The following PIK3CB variants were observed in gnomAD, a reference collection of about 807,000 sequenced individuals.
PIK3CB encodes phosphatidylinositol 4,5-bisphosphate 3-kinase catalytic subunit beta isoform.
In PIK3CB, 39 loss-of-function variants were observed where a neutral mutation model predicts 136.8. The observed-to-expected ratio is 0.29, with a 90% CI of 0.22 to 0.37. The LOEUF is 0.37. Ranked by LOEUF, PIK3CB falls within the 10% of genes least tolerant of loss-of-function variation. The pLI is 1.00. For synonymous variants in PIK3CB, 428 were observed against 436.6 expected, an observed-to-expected ratio of 0.98 and a Z score of 0.25; for missense variants, 868 against 1,275.4, an observed-to-expected ratio of 0.68 and a Z score of 4.87.
At chr3:138,774,859 A>G (rs1200400137) in intron 2 of PIK3CB, among the ~76,000 whole-genome samples, 5 of 152,240 alleles carry the variant, frequency 3.3e-5, no homozygotes, top group African/African-American at 1.2e-4. Context: ...CATTTTGAAA[A>G]TAAGTCATAA....
chr3:138,704,498 T>A lies in PIK3CB; in HGVS notation c.1531-5A>T. Reference sequence around the variant, plus strand: ...CTCAGCTGCCTTTTCAATAATCTGTTTAAAAAAATTAAAGAAAATGAATTT... The same window carrying A: ...CTCAGCTGCCTTTTCAATAATCTGTATAAAAAAATTAAAGAAAATGAATTT... On this transcript the variant is annotated splice_region_variant and splice_polypyrimidine_tract_variant and intron_variant, in intron 11 of 23. Coordinates refer to ENST00000674063, the MANE Select transcript of PIK3CB (RefSeq NM_006219.3). 2 of 1,589,726 alleles carry A rather than the reference T, an allele frequency of 1.3e-6. No homozygotes were observed. The highest frequency in any genetic ancestry group is 1.7e-6 in the Non-Finnish European group (2 of 1,158,252).
intron 1 of PIK3CB, among the ~76,000 whole-genome samples, chr3:138,797,407 C>G (rs2046120850): frequency 6.6e-6 from 1 of 152,128 alleles, no homozygotes; most frequent in African/African-American, 2.4e-5. Flanking sequence ...ATGAGGGGTC[C>G]TGCGTGACTG....
chr3:138,677,881 G>C (rs2043682351), intron 19 of PIK3CB, among the ~76,000 whole-genome samples: 1 of 152,054 alleles, frequency 6.6e-6, no homozygotes, highest in Non-Finnish European at 1.5e-5. Context: ...GGCAACAAGA[G>C]GGAAACTCCC....
rs148932982 is a variant in PIK3CB at position 138,673,973 on chromosome 3, A to T, written c.2504+7994T>A. The stretch of plus-strand genomic sequence containing the variant: ...GTTTATTTGACCTGACTCAGACCTC[A>T]CCTAGCATGAACTGCCTTTTTCCTG... On this transcript the variant is annotated intron_variant, in intron 19 of 23. Coordinates refer to ENST00000674063, the MANE Select transcript of PIK3CB (RefSeq NM_006219.3). Among the ~76,000 whole-genome samples, 94 of 152,154 alleles carry T rather than the reference A, an allele frequency of 6.2e-4. 1 individual carries two copies. In the East Asian group the frequency reaches 0.017, roughly 27 times the overall value.
chr3:138,778,179 C>A, intron 2 of PIK3CB: 2 of 455,322 alleles, frequency 4.4e-6, no homozygotes, highest in South Asian at 1.5e-5. Context: ...CCGAAAGGGT[C>A]ATCATCTCTG....
intron 2 of PIK3CB, among the ~76,000 whole-genome samples, chr3:138,772,143 G>A (rs529486529): frequency 6.6e-6 from 1 of 152,128 alleles, no homozygotes; most frequent in South Asian, 2.1e-4. Context: ...ATGTGGCAAT[G>A]TTTAGAAATA....
At chr3:138,755,440 G>T (rs1420164496) in intron 4 of PIK3CB, among the ~76,000 whole-genome samples, 1 of 152,152 alleles carries the variant, frequency 6.6e-6, no homozygotes, top group Non-Finnish European at 1.5e-5. Context: ...CCAGGAGTTT[G>T]AGACCAGCCT....
intron 14 of PIK3CB, among the ~76,000 whole-genome samples, chr3:138,693,082 T>C (rs1036457832): frequency 1.1e-4 from 16 of 152,288 alleles, no homozygotes; most frequent in Middle Eastern, 3.4e-3. Flanking sequence ...GTTGAATTTT[T>C]ATTTATTTAT....
chr3:138,702,228 C>G (rs538468395), intron 12 of PIK3CB, among the ~76,000 whole-genome samples: 2 of 149,840 alleles, frequency 1.3e-5, no homozygotes, highest in Non-Finnish European at 3.0e-5. Context: ...CATGCCACCA[C>G]GCCCAGTTAA....
intron 1 of PIK3CB, among the ~76,000 whole-genome samples, chr3:138,816,595 AAAATAAATAAAT>A (rs4035076): frequency 5.5e-4 from 80 of 146,490 alleles, no homozygotes; most frequent in African/African-American, 1.6e-3. Flanking sequence ...AGTTTGTCTC[AAAATAAATAAAT>A]AAATAAATAA....
intron 19 of PIK3CB, among the ~76,000 whole-genome samples, chr3:138,667,461 T>C (rs756941635): frequency 6.6e-6 from 1 of 152,058 alleles, no homozygotes; most frequent in Non-Finnish European, 1.5e-5. Context: ...ATGAGTGTGT[T>C]AGCATGTATC....
chr3:138,697,815 C>T (rs2044170477), intron 13 of PIK3CB, among the ~76,000 whole-genome samples: 1 of 152,084 alleles, frequency 6.6e-6, no homozygotes, highest in Non-Finnish European at 1.5e-5. Flanking sequence ...TCACTGCAGC[C>T]TCAACCTCCC....
chr3:138,693,903 G>T (rs2044063207), intron 14 of PIK3CB, among the ~76,000 whole-genome samples: 1 of 129,860 alleles, frequency 7.7e-6, no homozygotes, highest in African/African-American at 2.8e-5. Context: ...AAACTATGAG[G>T]ACTTCAACTT....
rs2108722003 is a variant in PIK3CB, at chr3:138,755,916, T to A, written c.235A>T (p.Met79Leu). 1 of 1,612,724 alleles carries A rather than the reference T, an allele frequency of 6.2e-7. No individual in the cohort carries two copies. Among genetic ancestry groups the A allele is most frequent in the South Asian group, 1.1e-5 (1 of 91,016 alleles). The change falls in exon 4 of 24, where the codon ATG becomes TTG. Residue 79 changes from methionine to leucine, a missense_variant. Met to Leu is a conservative substitution (Grantham distance 15, BLOSUM62 2). Coordinates refer to ENST00000674063, the MANE Select transcript of PIK3CB (RefSeq NM_006219.3). ...FNLLMDIDSY[M>L]FACVNQTAVY... ...GCAGTCTGATTCACACATGCAAACATATAGGAGTCAATATCCATAAGGAGG... is the reference window on the plus strand; with the variant it reads ...GCAGTCTGATTCACACATGCAAACAAATAGGAGTCAATATCCATAAGGAGG...
intron 8 of PIK3CB, among the ~76,000 whole-genome samples, chr3:138,725,755 C>G (rs2044823050): frequency 6.6e-6 from 1 of 152,084 alleles, no homozygotes; most frequent in Admixed American, 6.6e-5. Context: ...GCTGATTTGC[C>G]CTTAGTTGTT....
At position 138,672,999 on chromosome 3, in the gene PIK3CB, A is replaced by T. The variant is rs547462159; in HGVS notation, c.2505-7796T>A. Among the ~76,000 whole-genome samples the T allele has an allele frequency of 2.6e-5, 4 of 152,148 alleles. No homozygotes were observed. In the South Asian group the frequency reaches 8.3e-4, roughly 32 times the overall value. On this transcript the variant is annotated intron_variant, in intron 19 of 23. Transcript: ENST00000674063. ...GAAAAAAAATACAATACAGGAGAGT[A>T]AACATTGTTGCAGAGATAATGAACT...
chr3:138,776,611 G>T lies in PIK3CB; in HGVS notation c.-16-17252C>A, dbSNP rs992748968. Among the ~76,000 whole-genome samples the T allele has an allele frequency of 5.3e-5, 8 of 152,180 alleles. No homozygotes were observed. The South Asian group carries it at 1.0e-3, about 20-fold the overall frequency. On this transcript the variant is annotated intron_variant, in intron 2 of 23. Transcript: ENST00000674063. The stretch of plus-strand genomic sequence containing the variant: ...CTACTCAGGAAGCTGAGGGACGATC[G>T]CCTGAGCCTGGGAGGCAGACATTGC...
intron 2 of PIK3CB, chr3:138,770,411 A>T (rs1398498925): frequency 6.6e-6 from 1 of 152,168 alleles, no homozygotes; most frequent in Non-Finnish European, 1.5e-5. Flanking sequence ...GGAGATATTT[A>T]AAAAGAGATT....
At chr3:138,707,526 T>C (rs558975255) in intron 10 of PIK3CB, 1 of 1,262,654 alleles carries the variant, frequency 7.9e-7, no homozygotes, top group African/African-American at 1.6e-5. Context: ...AATGACTACT[T>C]TACCTCTTAA....
Sources: allele counts gnomAD v4.1 joint callset (sites outside exome capture counted in the v4.1 genomes callset), GRCh38; gene constraint gnomAD v4.1.1; transcripts MANE v1.5; gene names NCBI Gene and HGNC (gene_info 2026-07-23, HGNC 2026-07-21).